Variants in LPP observed in about 807,000 individuals in gnomAD.
LPP encodes LIM domain containing preferred translocation partner in lipoma.
A neutral mutation model predicts 60.4 loss-of-function variants in LPP; 38 were observed. That is an observed-to-expected ratio of 0.63 (90% CI 0.49 to 0.83). The LOEUF is 0.83. LPP is among the 40% of genes least tolerant of loss of function. The pLI is 0.00. For synonymous variants in LPP, 328 were observed against 290.8 expected, an observed-to-expected ratio of 1.13 and a Z score of -1.30; for missense variants, 902 against 783.6, an observed-to-expected ratio of 1.15 and a Z score of -1.80.
chr3:188,660,238 A>T (rs1359237260), intron 7 of LPP, among the ~76,000 whole-genome samples: 1 of 152,066 alleles, frequency 6.6e-6, no homozygotes, highest in Non-Finnish European at 1.5e-5. Context: ...TCCTTCCCCA[A>T]CTTTGTTTAC....
intron 9 of LPP, among the ~76,000 whole-genome samples, chr3:188,773,771 T>C (rs950119638): frequency 2.4e-4 from 36 of 152,140 alleles, no homozygotes; most frequent in African/African-American, 8.2e-4. Context: ...GCATAACACA[T>C]GTACACGTAG....
intron 9 of LPP, among the ~76,000 whole-genome samples, chr3:188,810,915 A>G (rs1012615582): frequency 1.3e-5 from 2 of 152,046 alleles, no homozygotes; most frequent in African/African-American, 2.4e-5. Flanking sequence ...TTTTTGTTCT[A>G]TTAGTAGACA....
At position 188,737,389 on chromosome 3, in the gene LPP, A is replaced by G. The variant is rs115769322; in HGVS notation, c.1241-22724A>G. 2.8e-3 allele frequency among the ~76,000 whole-genome samples: 428 copies of G among 152,322 alleles called. 2 individuals carry two copies. Among genetic ancestry groups the G allele is most frequent in the African/African-American group, 9.7e-3 (404 of 41,572 alleles). Reference sequence around the variant, plus strand: ...ATTTTATGAGCCAGTAATTTATCAAAGAGCCCATCCTAGTGTACCCATGGG... The same window carrying G: ...ATTTTATGAGCCAGTAATTTATCAAGGAGCCCATCCTAGTGTACCCATGGG... On this transcript the variant is annotated intron_variant, in intron 8 of 11. Transcript: ENST00000617246.
At chr3:188,459,514 GGAA>G (rs1443187733) in intron 4 of LPP, among the ~76,000 whole-genome samples, 1 of 152,068 alleles carries the variant, frequency 6.6e-6, no homozygotes, top group African/African-American at 2.4e-5. Context: ...ATAGGAGGGA[GGAA>G]GAAGAATTTA....
At chr3:188,859,018 GGCAGAGGTTGCAGTGA>G (rs1254995381) in intron 9 of LPP, among the ~76,000 whole-genome samples, 1 of 150,570 alleles carries the variant, frequency 6.6e-6, no homozygotes, top group Non-Finnish European at 1.5e-5. Flanking sequence ...GAACCTCGGA[GGCAGAGGTTGCAGTGA>G]GCCGAGATCG....
chr3:188,666,320 A>G (rs144354930), intron 7 of LPP, among the ~76,000 whole-genome samples: 312 of 152,318 alleles, frequency 2.0e-3, no homozygotes, highest in Non-Finnish European at 3.7e-3. Flanking sequence ...GTGACGCTCT[A>G]TAGTATTATA....
chr3:188,376,923 T>C (rs1775294502), intron 3 of LPP, among the ~76,000 whole-genome samples: 1 of 152,234 alleles, frequency 6.6e-6, no homozygotes, highest in Non-Finnish European at 1.5e-5. Context: ...TCTCTCAGCA[T>C]TTGCTTGTCT....
At chr3:188,831,620 T>C (rs1757159023) in intron 9 of LPP, among the ~76,000 whole-genome samples, 2 of 152,208 alleles carry the variant, frequency 1.3e-5, no homozygotes, top group Non-Finnish European at 2.9e-5. Context: ...GTACACTGCA[T>C]AGATTGAGTG....
At chr3:188,420,938 C>A (rs1560381431) in intron 4 of LPP, among the ~76,000 whole-genome samples, 1 of 152,092 alleles carries the variant, frequency 6.6e-6, no homozygotes, top group Non-Finnish European at 1.5e-5. Context: ...AATATTTGCA[C>A]ATGTTGCCTG....
At chr3:188,283,836 G>A (rs994075005) in intron 2 of LPP, among the ~76,000 whole-genome samples, 2 of 152,014 alleles carry the variant, frequency 1.3e-5, no homozygotes, top group African/African-American at 2.4e-5. Flanking sequence ...AATTAGCCAG[G>A]CGTGGTGGTA....
intron 2 of LPP, among the ~76,000 whole-genome samples, chr3:188,338,937 C>T (rs1269835118): frequency 1.3e-5 from 2 of 152,182 alleles, no homozygotes; most frequent in African/African-American, 4.8e-5. Context: ...CTGATCTCTG[C>T]ACTTTTCATT....
chr3:188,838,518 A>T (rs907329685), intron 9 of LPP, among the ~76,000 whole-genome samples: 1 of 152,180 alleles, frequency 6.6e-6, no homozygotes, highest in Non-Finnish European at 1.5e-5. Context: ...CTCCCTGAAA[A>T]TATACAGCTT....
At chr3:188,803,071 G>T (rs1353977672) in intron 9 of LPP, among the ~76,000 whole-genome samples, 3 of 136,324 alleles carry the variant, frequency 2.2e-5, no homozygotes, top group African/African-American at 5.3e-5. Flanking sequence ...TTGAGACAGG[G>T]TCTCACTCTA....
chr3:188,347,283 G>A (rs1259053945), intron 3 of LPP, among the ~76,000 whole-genome samples: 3 of 152,254 alleles, frequency 2.0e-5, no homozygotes, highest in African/African-American at 7.2e-5. Context: ...TGTGTACTAT[G>A]GGATTTTAGG....
At position 188,217,042 on chromosome 3, in the gene LPP, CACA is replaced by C. The variant is rs1046520001; in HGVS notation, c.-189-8357_-189-8355del. Among the ~76,000 whole-genome samples, 19 of 152,338 alleles carry C rather than the reference CACA, an allele frequency of 1.2e-4. No homozygotes were observed. Among genetic ancestry groups the C allele is most frequent in the East Asian group, 3.9e-4 (2 of 5,188 alleles). ...GATTTAGAGCAAAGAGTAAGACACA[CACA>C]ACAACGATCTCTTGGTGCTTACACG... On this transcript the variant is annotated intron_variant, in intron 1 of 11. Transcript: ENST00000617246. This position sits in a 1 kb window ranked among gnomAD's most constrained non-coding sequence, Gnocchi z 4.0.
intron 10 of LPP, among the ~76,000 whole-genome samples, chr3:188,868,478 C>A (rs1269530297): frequency 6.6e-6 from 1 of 152,112 alleles, no homozygotes; most frequent in African/African-American, 2.4e-5. Flanking sequence ...ATAACCTTCC[C>A]CACTCGTTCA....
intron 9 of LPP, among the ~76,000 whole-genome samples, chr3:188,769,216 T>C (rs1245144628): frequency 6.6e-6 from 1 of 152,234 alleles, no homozygotes; most frequent in East Asian, 1.9e-4. Flanking sequence ...TTTTGGGGAT[T>C]GAATGTGCTT....
intron 3 of LPP, among the ~76,000 whole-genome samples, chr3:188,362,158 T>C (rs2150960075): frequency 6.6e-6 from 1 of 152,296 alleles, no homozygotes; most frequent in East Asian, 1.9e-4. Flanking sequence ...ACAACCCTTT[T>C]GAAGACTAAA....
At chr3:188,250,038 G>A (rs1441811175) in intron 2 of LPP, among the ~76,000 whole-genome samples, 1 of 151,860 alleles carries the variant, frequency 6.6e-6, no homozygotes, top group Non-Finnish European at 1.5e-5. Flanking sequence ...ATCAGCTTCT[G>A]TACATTTGAC....
Sources: allele counts gnomAD v4.1 joint callset (sites outside exome capture counted in the v4.1 genomes callset), GRCh38; gene constraint gnomAD v4.1.1; non-coding constraint Gnocchi (gnomAD v3.1); transcripts MANE v1.5; gene names NCBI Gene and HGNC (gene_info 2026-07-23, HGNC 2026-07-21).